The following DCC variants were observed in gnomAD, a reference collection of about 807,000 sequenced individuals.
DCC encodes DCC netrin 1 receptor.
In DCC, 58 loss-of-function variants were observed where a neutral mutation model predicts 172.5. The ratio of observed to expected loss-of-function variants is 0.34; its 90% CI spans 0.27 to 0.42. The LOEUF (loss-of-function observed/expected upper bound fraction) is 0.42. Ranked by LOEUF, DCC falls within the 10% of genes least tolerant of loss-of-function variation. The probability of loss-of-function intolerance (pLI) is 1.00; values close to 1 mark genes in which losing one functional copy is unlikely to be tolerated. For synonymous variants in DCC, 709 were observed against 644.5 expected, an observed-to-expected ratio of 1.10 and a Z score of -1.52; for missense variants, 1,740 against 1,791.0, an observed-to-expected ratio of 0.97 and a Z score of 0.51.
At chr18:52,397,712 G>A (rs1368547275) in intron 1 of DCC, among the ~76,000 whole-genome samples, 1 of 151,980 alleles carries the variant, frequency 6.6e-6, no homozygotes, top group East Asian at 1.9e-4. Context: ...TGTCACTGGA[G>A]TAATAATAGG....
intron 1 of DCC, among the ~76,000 whole-genome samples, chr18:52,367,954 G>A (rs746049510): frequency 9.9e-5 from 15 of 152,134 alleles, no homozygotes; most frequent in Non-Finnish European, 1.8e-4. Context: ...TTGTTTGGAG[G>A]GGTTGTTCCA....
intron 2 of DCC, among the ~76,000 whole-genome samples, chr18:52,872,575 C>T (rs978800105): frequency 6.6e-6 from 1 of 152,066 alleles, no homozygotes; most frequent in Admixed American, 6.5e-5. Flanking sequence ...AATCTGATGC[C>T]AAATCACTTT....
intron 1 of DCC, among the ~76,000 whole-genome samples, chr18:52,661,094 G>C (rs960302933): frequency 6.6e-6 from 1 of 152,186 alleles, no homozygotes; most frequent in African/African-American, 2.4e-5. Context: ...TTGGAATTCT[G>C]AAAGGTGGAT....
chr18:52,619,820 C>A (rs1000561897), intron 1 of DCC, among the ~76,000 whole-genome samples: 1 of 152,178 alleles, frequency 6.6e-6, no homozygotes, highest in Non-Finnish European at 1.5e-5. Flanking sequence ...TTTCCCTACG[C>A]AAAATCCAGC....
chr18:52,577,497 A>G (rs1388000642), intron 1 of DCC, among the ~76,000 whole-genome samples: 1 of 152,182 alleles, frequency 6.6e-6, no homozygotes, highest in Non-Finnish European at 1.5e-5. Context: ...CAGAATCCCA[A>G]AGTTGAATTC....
At chr18:53,321,117 A>G (rs1329881578) in intron 13 of DCC, among the ~76,000 whole-genome samples, 1 of 152,070 alleles carries the variant, frequency 6.6e-6, no homozygotes, top group East Asian at 1.9e-4. Context: ...CAAATATGTA[A>G]TTTTGTACAT....
intron 1 of DCC, among the ~76,000 whole-genome samples, chr18:52,672,502 C>A (rs928931390): frequency 2.6e-5 from 4 of 151,896 alleles, no homozygotes; most frequent in Non-Finnish European, 4.4e-5. Context: ...TCTCCCGTTT[C>A]TTTCCTTACT....
rs78018588 is a variant in DCC at position 52,871,155 on chromosome 18, A to G, written c.413-34889A>G. On this transcript the variant is annotated intron_variant, in intron 2 of 28. Coordinates refer to ENST00000442544, the MANE Select transcript of DCC (RefSeq NM_005215.4). ...AAAAGTGTGCTGCTTAAAATCTTAT[A>G]TATCTTGGGTTCTCAACCATTTTCA... 9.9e-5 allele frequency among the ~76,000 whole-genome samples: 15 copies of G among 152,230 alleles called. No individual in the cohort carries two copies. In the East Asian group the frequency reaches 2.5e-3, roughly 26 times the overall value.
At chr18:52,838,714 C>G (rs2038755397) in intron 2 of DCC, among the ~76,000 whole-genome samples, 1 of 152,094 alleles carries the variant, frequency 6.6e-6, no homozygotes. Flanking sequence ...ATGGTTGCAA[C>G]AGCATGTGAT....
At chr18:53,310,092 G>T (rs2057249136) in intron 13 of DCC, among the ~76,000 whole-genome samples, 1 of 151,492 alleles carries the variant, frequency 6.6e-6, no homozygotes, top group Non-Finnish European at 1.5e-5. Context: ...CCCCTGCTCT[G>T]TGACTGGGCT....
intron 1 of DCC, among the ~76,000 whole-genome samples, chr18:52,632,415 A>T (rs961744076): frequency 2.6e-5 from 4 of 152,210 alleles, no homozygotes; most frequent in African/African-American, 4.8e-5. Context: ...TGGATAATTT[A>T]GTGAAATTTG....
rs554052660 is a variant in DCC at position 52,694,446 on chromosome 18, G to A, written c.92-57608G>A. ...AAAAATAATAATAAAGGAAGGTGTT[G>A]GTCCAAATGGCTCAGTCCCTTCCGG... On this transcript the variant is annotated intron_variant, in intron 1 of 28. Coordinates refer to ENST00000442544, the MANE Select transcript of DCC (RefSeq NM_005215.4). 2.0e-5 allele frequency among the ~76,000 whole-genome samples: 3 copies of A among 152,150 alleles called. No homozygotes were observed. The South Asian group carries it at 6.2e-4, about 32-fold the overall frequency.
At chr18:53,049,647 G>A (rs2042307600) in intron 5 of DCC, among the ~76,000 whole-genome samples, 1 of 151,982 alleles carries the variant, frequency 6.6e-6, no homozygotes, top group African/African-American at 2.4e-5. Flanking sequence ...TTTCTGCTTA[G>A]GATTACCTTG....
intron 1 of DCC, among the ~76,000 whole-genome samples, chr18:52,351,998 G>A (rs1984144292): frequency 6.6e-6 from 1 of 152,114 alleles, no homozygotes; most frequent in African/African-American, 2.4e-5. Context: ...ATAAGAGGGG[G>A]CATAGCCTAG....
In DCC at chr18:53,533,697, T is replaced by C. The variant is rs2046546016; in HGVS notation, c.*3044T>C. 1 of 152,188 alleles carries C rather than the reference T, an allele frequency of 6.6e-6. No homozygotes were observed. The highest frequency in any genetic ancestry group is 1.5e-5 in the Non-Finnish European group (1 of 68,032). The allele number at this position is 152,188 out of a possible 1,614,324, so 9.4% of individuals were successfully genotyped here. ...CTTGCCTCTTTGAATAACAGAGATA[T>C]AAGCTTCTAGAATATTTAAATAATG... On this transcript the variant is annotated 3_prime_UTR_variant, in exon 29 of 29. Coordinates refer to ENST00000442544, the MANE Select transcript of DCC (RefSeq NM_005215.4).
At chr18:52,386,701 A>C (rs8093706) in intron 1 of DCC, among the ~76,000 whole-genome samples, 77,921 of 151,920 alleles carry the variant, frequency 0.51, 21,684 homozygotes, top group African/African-American at 0.74. Context: ...GGATAAGCAA[A>C]TTTTGGTTTT....
intron 1 of DCC, among the ~76,000 whole-genome samples, chr18:52,405,434 T>C (rs1264696941): frequency 2.8e-5 from 4 of 142,812 alleles, no homozygotes; most frequent in Non-Finnish European, 6.3e-5. Context: ...CGTTTTTTCA[T>C]GTGTTTTTTG....
chr18:53,088,064 T>G (rs2042943106), intron 7 of DCC, among the ~76,000 whole-genome samples: 1 of 152,204 alleles, frequency 6.6e-6, no homozygotes, highest in African/African-American at 2.4e-5. Flanking sequence ...TCTTTTGGCT[T>G]AGGATTGACT....
intron 5 of DCC, among the ~76,000 whole-genome samples, chr18:52,940,707 T>C (rs948643918): frequency 6.6e-6 from 1 of 152,216 alleles, no homozygotes; most frequent in African/African-American, 2.4e-5. Context: ...ACTATGCTGA[T>C]ATGATGATGT....
Sources: gnomAD v4.1 joint callset for allele counts (sites outside exome capture counted in the v4.1 genomes callset) on GRCh38, gnomAD v4.1.1 for gene constraint, MANE v1.5 for transcripts, NCBI Gene and HGNC (gene_info 2026-07-23, HGNC 2026-07-21) for gene names.